The following KLHL1 variants were observed in gnomAD, a reference collection of about 807,000 sequenced individuals.
KLHL1 encodes kelch like family member 1.
In KLHL1, 47 loss-of-function variants were observed where a neutral mutation model predicts 77.7. That is an observed-to-expected ratio of 0.60 (90% CI 0.48 to 0.77). The LOEUF (loss-of-function observed/expected upper bound fraction) is 0.77. KLHL1 is among the 30% of genes least tolerant of loss of function. KLHL1 has a pLI of 0.00. For missense variants in KLHL1, 925 were observed against 910.8 expected, an observed-to-expected ratio of 1.02 and a Z score of -0.20; for synonymous variants, 360 against 325.2, an observed-to-expected ratio of 1.11 and a Z score of -1.15.
chr13:69,763,387 G>A (rs1875114992), intron 7 of KLHL1, among the ~76,000 whole-genome samples: 1 of 152,138 alleles, frequency 6.6e-6, no homozygotes, highest in Non-Finnish European at 1.5e-5. Context: ...GGAGACTTTT[G>A]CTAAGGAGCA....
intron 5 of KLHL1, among the ~76,000 whole-genome samples, chr13:69,870,762 C>G (rs891879069): frequency 2.6e-5 from 4 of 151,882 alleles, no homozygotes; most frequent in African/African-American, 4.8e-5. Context: ...CAAAATCAAG[C>G]AGGAGAGACA....
intron 1 of KLHL1, among the ~76,000 whole-genome samples, chr13:70,092,993 C>T (rs1887703059): frequency 6.6e-6 from 1 of 151,796 alleles, no homozygotes; most frequent in Non-Finnish European, 1.5e-5. Flanking sequence ...AAATTTTAAA[C>T]AAAATTTAAT....
chr13:70,072,951 A>G (rs1887172193), intron 1 of KLHL1, among the ~76,000 whole-genome samples: 1 of 152,112 alleles, frequency 6.6e-6, no homozygotes, highest in South Asian at 2.1e-4. Context: ...GTTCTAGCTA[A>G]TGAAATAAGA....
At chr13:69,978,975 G>T (rs527854724) in intron 1 of KLHL1, among the ~76,000 whole-genome samples, 10 of 151,958 alleles carry the variant, frequency 6.6e-5, no homozygotes, top group Non-Finnish European at 1.2e-4. Context: ...CCCTGGTTTG[G>T]GGGGCTGGGG....
intron 1 of KLHL1, among the ~76,000 whole-genome samples, chr13:70,067,334 C>T (rs111312169): frequency 2.0e-5 from 3 of 152,118 alleles, no homozygotes; most frequent in Non-Finnish European, 4.4e-5. Context: ...GAGGTAGGTA[C>T]TATTTTTTAC....
chr13:69,870,590 T>C (rs1251610461), intron 5 of KLHL1, among the ~76,000 whole-genome samples: 1 of 152,002 alleles, frequency 6.6e-6, no homozygotes, highest in Non-Finnish European at 1.5e-5. Context: ...TCAAGCCTCA[T>C]TTGAGACTCA....
In KLHL1 at chr13:69,906,431, G is replaced by A. The variant is rs180830801; in HGVS notation, c.1015-23936C>T. On this transcript the variant is annotated intron_variant, in intron 4 of 10. Transcript: ENST00000377844. Reference sequence around the variant, plus strand: ...GACCCACTTGATTAAGGTATCGGCTGTATTTGCAAACCGGGAAAACAGAGC... The same window carrying A: ...GACCCACTTGATTAAGGTATCGGCTATATTTGCAAACCGGGAAAACAGAGC... 3.6e-4 allele frequency among the ~76,000 whole-genome samples: 55 copies of A among 152,040 alleles called. No individual in the cohort carries two copies. In the East Asian group the frequency reaches 9.3e-3, roughly 26 times the overall value.
At chr13:69,884,009 G>C (rs995422630) in intron 4 of KLHL1, among the ~76,000 whole-genome samples, 1 of 152,150 alleles carries the variant, frequency 6.6e-6, no homozygotes, top group African/African-American at 2.4e-5. Context: ...GTGACACTAA[G>C]ACTCTTCCAA....
chr13:69,702,270 T>C (rs999716148), intron 10 of KLHL1, among the ~76,000 whole-genome samples: 2 of 151,738 alleles, frequency 1.3e-5, no homozygotes, highest in Admixed American at 6.6e-5. Flanking sequence ...ATAATTATAA[T>C]TGCTATATGC....
chr13:69,771,845 G>A (rs1439197610), intron 7 of KLHL1, among the ~76,000 whole-genome samples: 2 of 152,048 alleles, frequency 1.3e-5, no homozygotes, highest in Admixed American at 6.6e-5. Context: ...GAAGACATGC[G>A]AATCAAAATG....
At chr13:69,746,784 C>T (rs7999609) in intron 7 of KLHL1, among the ~76,000 whole-genome samples, 64,909 of 151,728 alleles carry the variant, frequency 0.43, 14,167 homozygotes, top group African/African-American at 0.47. Flanking sequence ...ACCACAGTCA[C>T]AATCAAGATT....
chr13:69,701,815 A>G, intron 10 of KLHL1, 54 bp from the exon 11 acceptor site: 9 of 1,242,766 alleles, frequency 7.2e-6, no homozygotes, highest in African/African-American at 1.5e-5. Context: ...AAAAATATAA[A>G]ACTTATATTT....
At chr13:69,896,917 G>A (rs556620125) in intron 4 of KLHL1, among the ~76,000 whole-genome samples, 2 of 151,992 alleles carry the variant, frequency 1.3e-5, no homozygotes, top group African/African-American at 2.4e-5. Context: ...TGATCCGCCC[G>A]CCTCAGCCTC....
chr13:69,714,840 G>A (rs1450077228), intron 9 of KLHL1, among the ~76,000 whole-genome samples: 2 of 151,962 alleles, frequency 1.3e-5, no homozygotes, highest in Non-Finnish European at 2.9e-5. Context: ...GCAATCCACA[G>A]TTCTCAGCCT....
At chr13:69,823,295 C>A (rs929912407) in intron 6 of KLHL1, among the ~76,000 whole-genome samples, 1 of 152,028 alleles carries the variant, frequency 6.6e-6, no homozygotes, top group East Asian at 1.9e-4. Context: ...ATATGAGAAA[C>A]ACCAACATTT....
intron 4 of KLHL1, among the ~76,000 whole-genome samples, chr13:69,908,588 A>G (rs1882122381): frequency 6.8e-6 from 1 of 147,464 alleles, no homozygotes; most frequent in African/African-American, 2.7e-5. Context: ...TTTATAGACA[A>G]ATAAAAGGAA....
intron 5 of KLHL1, among the ~76,000 whole-genome samples, chr13:69,863,142 G>A (rs1880236980): frequency 6.6e-6 from 1 of 151,952 alleles, no homozygotes; most frequent in African/African-American, 2.4e-5. Context: ...GTAATTCTCA[G>A]TACTTAGTCT....
At chr13:70,061,288 A>C (rs2439684) in intron 1 of KLHL1, among the ~76,000 whole-genome samples, 69,502 of 151,866 alleles carry the variant, frequency 0.46, 16,430 homozygotes, top group Middle Eastern at 0.59. Flanking sequence ...ACTCACAATT[A>C]AAAGCCTTGG....
chr13:70,080,604 T>G (rs1297742268), intron 1 of KLHL1, among the ~76,000 whole-genome samples: 2 of 152,098 alleles, frequency 1.3e-5, no homozygotes, highest in Non-Finnish European at 2.9e-5. Context: ...TTTGTTTTAT[T>G]TTATCATTTT....
Sources: allele counts gnomAD v4.1 joint callset (sites outside exome capture counted in the v4.1 genomes callset), GRCh38; gene constraint gnomAD v4.1.1; transcripts MANE v1.5; gene names NCBI Gene and HGNC (gene_info 2026-07-23, HGNC 2026-07-21).